The following ZNF106 variants were observed in gnomAD, a reference collection of about 807,000 sequenced individuals.
ZNF106 encodes zinc finger protein 106.
In ZNF106, 67 loss-of-function variants were observed where a neutral mutation model predicts 195.1. That is an observed-to-expected ratio of 0.34 (90% CI 0.28 to 0.42). ZNF106 has a LOEUF of 0.42. Ranked by LOEUF, ZNF106 falls within the 10% of genes least tolerant of loss-of-function variation. The pLI, the probability that ZNF106 is intolerant of heterozygous loss-of-function variation, is 1.00. For missense variants in ZNF106, 2,118 were observed against 2,304.5 expected (o/e 0.92, Z 1.66); for synonymous variants, 784 against 818.6 (o/e 0.96, Z 0.72).
chr15:42,445,824 TACTAGA>T (rs1364947052), intron 7 of ZNF106, among the ~76,000 whole-genome samples: 1 of 152,208 alleles, frequency 6.6e-6, no homozygotes, highest in Non-Finnish European at 1.5e-5. Context: ...CTAGCCCTTA[TACTAGA>T]ACTGGGTTAG....
chr15:42,428,039 A>C lies in ZNF106; in HGVS notation c.4977T>G (p.Thr1659=). The C allele has an allele frequency of 6.2e-7, 1 of 1,614,084 alleles. No individual in the cohort carries two copies. Among genetic ancestry groups the C allele is most frequent in the South Asian group, 1.1e-5 (1 of 91,084 alleles). ...TAACCTTTATGTTGAAGGTGACCAC[A>C]GTGCCATTTGCCAGTCCCGCATAGA... ...RILYAGLANG[T]VVTFNIKNNK... is the part of the protein sequence containing the mutation. The change falls in exon 15 of 22, where the codon ACT becomes ACG. Residue 1659 remains threonine (T), a synonymous_variant. Coordinates refer to ENST00000564754, the MANE Select transcript of ZNF106 (RefSeq NM_001366845.3).
intron 1 of ZNF106, among the ~76,000 whole-genome samples, chr15:42,487,980 T>C (rs139085981): frequency 1.3e-5 from 2 of 152,194 alleles, no homozygotes; most frequent in Non-Finnish European, 2.9e-5. Context: ...GCACAGTATA[T>C]GCATGTAACC....
intron 4 of ZNF106, among the ~76,000 whole-genome samples, chr15:42,452,696 TTTTTTTTGA>T: frequency 6.9e-6 from 1 of 144,674 alleles, no homozygotes. Flanking sequence ...TTTTTTTTTT[TTTTTTTTGA>T]GACAGAGTCT....
chr15:42,426,730 C>T (rs555910123), intron 15 of ZNF106, among the ~76,000 whole-genome samples: 18 of 152,138 alleles, frequency 1.2e-4, no homozygotes, highest in Non-Finnish European at 1.9e-4. Flanking sequence ...GATAATCTCA[C>T]GAAAGAGAAG....
intron 17 of ZNF106, among the ~76,000 whole-genome samples, chr15:42,423,516 A>G (rs1037327563): frequency 1.3e-5 from 2 of 152,056 alleles, no homozygotes; most frequent in African/African-American, 4.8e-5. Context: ...AGCTGGAATT[A>G]CAGGACGCAC....
intron 4 of ZNF106, among the ~76,000 whole-genome samples, chr15:42,455,935 T>A (rs1043822849): frequency 3.9e-5 from 6 of 152,228 alleles, no homozygotes; most frequent in African/African-American, 1.4e-4. Context: ...ACAAATTTTA[T>A]AATTAAACTC....
intron 3 of ZNF106, among the ~76,000 whole-genome samples, chr15:42,462,969 T>G (rs981388146): frequency 6.1e-5 from 4 of 65,582 alleles, no homozygotes; most frequent in Non-Finnish European, 1.0e-4. Context: ...TGTTTTTTGT[T>G]TTTTTTTTTG....
At position 42,450,399 on chromosome 15, in the gene ZNF106, T is replaced by C. The variant is rs1341570560; in HGVS notation, c.1873A>G (p.Thr625Ala). The stretch of plus-strand genomic sequence containing the variant: ...GCAGAACCTAGGGTTCCAATTTTTG[T>C]TCCATGCTTTTCCGTGTCAGATGTC... ...GETSDTEKHG[T>A]KIGTLGSATT... The change falls in exon 5 of 22, where the codon ACA (threonine) becomes GCA (alanine). Residue 625 changes from threonine to alanine, a missense_variant. Thr to Ala is a moderately conservative substitution (Grantham distance 58). Transcript: ENST00000564754. 1 of 1,614,220 alleles carries C rather than the reference T, an allele frequency of 6.2e-7. No individual in the cohort carries two copies.
In ZNF106 at chr15:42,415,456, T is replaced by A. The variant is rs1351733028; in HGVS notation, c.*1848A>T. On this transcript the variant is annotated 3_prime_UTR_variant, in exon 22 of 22. Transcript: ENST00000564754. ...AATTCTTGACATTTTTTGGATCAAG[T>A]AAGAACCACTGGAGCCTTTCCTGGA... The A allele has an allele frequency of 2.6e-5, 12 of 453,686 alleles. No individual in the cohort carries two copies. Among genetic ancestry groups the A allele is most frequent in the Non-Finnish European group, 4.9e-5 (11 of 226,114 alleles). The allele number at this position is 453,686 out of a possible 1,614,324, so 28.1% of individuals were successfully genotyped here.
chr15:42,426,515 T>C (rs886422457), intron 15 of ZNF106, among the ~76,000 whole-genome samples: 1 of 150,072 alleles, frequency 6.7e-6, no homozygotes, highest in Middle Eastern at 3.4e-3. Flanking sequence ...TCCACCTGCC[T>C]CAGCTTCCTG....
chr15:42,427,894 G>T, intron 15 of ZNF106, 124 bp downstream of exon 15: 1 of 716,868 alleles, frequency 1.4e-6, no homozygotes, highest in African/African-American at 1.7e-5. Flanking sequence ...TTTGAGTAGT[G>T]GCTAATTCTG....
In ZNF106 at chr15:42,450,025, G is replaced by C; in HGVS notation, c.2247C>G (p.Ala749=). 6.2e-7 allele frequency: 1 copy of C among 1,614,186 alleles called. No individual in the cohort carries two copies. The highest frequency in any genetic ancestry group is 8.5e-7 in the Non-Finnish European group (1 of 1,180,032). Residue 749 remains alanine (A), a synonymous_variant, in exon 5 of 22, where the codon GCC becomes GCG. Transcript: ENST00000564754. The part of the protein sequence containing the change: ...LPELSKLGFP[A]SLQRDLTRHI... Reference sequence around the variant, plus strand: ...GCCGGGTTAGATCCCTCTGAAGTGAGGCAGGAAAGCCAAGCTTACTTAGTT... The same window carrying C: ...GCCGGGTTAGATCCCTCTGAAGTGACGCAGGAAAGCCAAGCTTACTTAGTT...
At chr15:42,453,053 G>A (rs1294309117) in intron 4 of ZNF106, among the ~76,000 whole-genome samples, 4 of 152,068 alleles carry the variant, frequency 2.6e-5, no homozygotes, top group South Asian at 2.1e-4. Flanking sequence ...GATTTTTCCA[G>A]TTGTAGGTTC....
rs12101559 is a variant in ZNF106, at chr15:42,450,266, A to G, written c.2006T>C (p.Ile669Thr). ...RELSTSPCNP[I>T]VRQKESELQM... The stretch of plus-strand genomic sequence containing the variant: ...TAATTCAGATTCTTTCTGGCGAACT[A>G]TGGGATTACATGGGGAAGTGGATAG... Residue 669 changes from isoleucine (I) to threonine (T), a missense_variant, in exon 5 of 22, where the codon ATA becomes ACA. Ile to Thr is a moderately conservative substitution (Grantham distance 89). Coordinates refer to ENST00000564754, the MANE Select transcript of ZNF106 (RefSeq NM_001366845.3). 85,600 of 1,613,988 alleles carry G rather than the reference A, an allele frequency of 0.053. 9,409 individuals carry two copies. The highest frequency in any genetic ancestry group is 0.4 in the African/African-American group (30,033 of 74,906).
Position 42,424,884 on chromosome 15 carries a change from G to C in ZNF106, c.5140C>G (p.Leu1714Val). Residue 1714 changes from leucine (L) to valine (V), a missense_variant, in exon 16 of 22, where the codon CTG (leucine) becomes GTG (valine). Transcript: ENST00000564754. ...TGGCCCTCCAGAGTTCTGAGGAGCAGTCCATTCCGGGCATCGCGTACACTA... is the reference window on the plus strand; with the variant it reads ...TGGCCCTCCAGAGTTCTGAGGAGCACTCCATTCCGGGCATCGCGTACACTA... ...TISVRDARNG[L>V]LLRTLEGHSK... 6.2e-7 allele frequency: 1 copy of C among 1,614,166 alleles called. No homozygotes were observed. The highest frequency in any genetic ancestry group is 8.5e-7 in the Non-Finnish European group (1 of 1,180,038).
At chr15:42,458,441 G>A (rs566486664) in intron 3 of ZNF106, among the ~76,000 whole-genome samples, 1 of 151,912 alleles carries the variant, frequency 6.6e-6, no homozygotes, top group East Asian at 1.9e-4. Flanking sequence ...GGCTTGGTGG[G>A]GCTCACGCCT....
Position 42,439,671 on chromosome 15 carries a change from A to C in ZNF106, c.3906T>G (p.Ser1302=). The change falls in exon 11 of 22, where the codon TCT becomes TCG. Residue 1302 remains serine, a synonymous_variant. Transcript: ENST00000564754. ...EQRNTRNREN[S]PSSQSAGLSS... is the part of the protein sequence containing the mutation. ...AAAGACCAGCTGATTGGGAAGAGGGAGAGTTTTCTCTGTTTCTGGTATTTC... is the reference window on the plus strand; with the variant it reads ...AAAGACCAGCTGATTGGGAAGAGGGCGAGTTTTCTCTGTTTCTGGTATTTC... 6.2e-7 allele frequency: 1 copy of C among 1,613,994 alleles called. No homozygotes were observed. Among genetic ancestry groups the C allele is most frequent in the Non-Finnish European group, 8.5e-7 (1 of 1,179,976 alleles).
At chr15:42,457,939 T>C (rs894852089) in intron 3 of ZNF106, among the ~76,000 whole-genome samples, 2 of 152,226 alleles carry the variant, frequency 1.3e-5, no homozygotes, top group Non-Finnish European at 2.9e-5. Flanking sequence ...ACATACTTCA[T>C]GCAAATCTCA....
At chr15:42,454,528 A>G (rs1399527524) in intron 4 of ZNF106, among the ~76,000 whole-genome samples, 1 of 152,040 alleles carries the variant, frequency 6.6e-6, no homozygotes, top group African/African-American at 2.4e-5. Context: ...ATAGACCAGA[A>G]AGAATAATCT....
Sources: gnomAD v4.1 joint callset for allele counts (sites outside exome capture counted in the v4.1 genomes callset) on GRCh38, gnomAD v4.1.1 for gene constraint, MANE v1.5 for transcripts, NCBI Gene and HGNC (gene_info 2026-07-23, HGNC 2026-07-21) for gene names.